The following ANKFN1 variants were observed in gnomAD, a reference collection of about 807,000 sequenced individuals.
ANKFN1 encodes the protein ankyrin repeat and fibronectin type-III domain-containing protein 1.
A neutral mutation model predicts 108.7 loss-of-function variants in ANKFN1; 74 were observed. The observed-to-expected ratio is 0.68, with a 90% CI of 0.56 to 0.83. The LOEUF is 0.83. Ranked by LOEUF, ANKFN1 falls within the 40% of genes least tolerant of loss-of-function variation. ANKFN1 has a pLI of 0.00. For synonymous variants in ANKFN1, 547 were observed against 516.2 expected, an observed-to-expected ratio of 1.06 and a Z score of -0.81; for missense variants, 1,505 against 1,382.3, an observed-to-expected ratio of 1.09 and a Z score of -1.41.
chr17:56,373,850 A>G (rs1027921281), intron 7 of ANKFN1, among the ~76,000 whole-genome samples: 26 of 152,234 alleles, frequency 1.7e-4, no homozygotes, highest in African/African-American at 5.5e-4. Flanking sequence ...CACTAGAAAC[A>G]GACATATTTT....
At chr17:56,133,388 A>G (rs908767351) in intron 4 of ANKFN1, among the ~76,000 whole-genome samples, 24 of 152,194 alleles carry the variant, frequency 1.6e-4, no homozygotes, top group African/African-American at 5.8e-4. Flanking sequence ...GACTTCAAAC[A>G]AAAGCAATAA....
At chr17:56,293,874 C>G (rs914739267) in intron 3 of ANKFN1, among the ~76,000 whole-genome samples, 4 of 152,146 alleles carry the variant, frequency 2.6e-5, no homozygotes, top group African/African-American at 9.7e-5. Context: ...CACCTCTGTC[C>G]CTTCTCCAGG....
rs554240769 is a variant in ANKFN1, at chr17:56,502,596, G to A, written c.2644+3498G>A. ...CCCTCACAAAAGCAGAAGCATTTCAGAGCAATGAAATCTGTCACTGCATTC... is the reference window on the plus strand; with the variant it reads ...CCCTCACAAAAGCAGAAGCATTTCAAAGCAATGAAATCTGTCACTGCATTC... On this transcript the variant is annotated intron_variant, in intron 20 of 20. Coordinates refer to ENST00000682825, the MANE Select transcript of ANKFN1 (RefSeq NM_001370326.1). 6.6e-5 allele frequency among the ~76,000 whole-genome samples: 10 copies of A among 152,304 alleles called. No individual in the cohort carries two copies. The South Asian group carries it at 2.1e-3, about 32-fold the overall frequency.
chr17:56,326,019 C>A (rs2045505979), intron 3 of ANKFN1, among the ~76,000 whole-genome samples: 1 of 152,218 alleles, frequency 6.6e-6, no homozygotes, highest in South Asian at 2.1e-4. Context: ...CCTTTCACTA[C>A]ACGCACACAA....
intron 8 of ANKFN1, among the ~76,000 whole-genome samples, chr17:56,385,675 C>T: frequency 6.6e-6 from 1 of 152,166 alleles, no homozygotes; most frequent in Non-Finnish European, 1.5e-5. Context: ...TGAACAGACA[C>T]TTCTCAAAAG....
intron 1 of ANKFN1, among the ~76,000 whole-genome samples, chr17:56,158,957 T>C (rs1468932417): frequency 1.3e-5 from 2 of 150,418 alleles, no homozygotes; most frequent in African/African-American, 2.4e-5. Context: ...TAGTCATTTG[T>C]GTTGCCCCAT....
At chr17:56,278,393 A>G (rs1398949370) in intron 3 of ANKFN1, among the ~76,000 whole-genome samples, 1 of 152,236 alleles carries the variant, frequency 6.6e-6, no homozygotes, top group Non-Finnish European at 1.5e-5. Flanking sequence ...TGTTTATTCC[A>G]TCATGATTTT....
intron 10 of ANKFN1, 74 bp downstream of exon 10, chr17:56,443,007 G>T: frequency 1.4e-6 from 2 of 1,471,298 alleles, no homozygotes. Flanking sequence ...GGGTGCCATT[G>T]CCATTCCCTT....
At chr17:56,365,956 C>T (rs1338091515) in intron 6 of ANKFN1, among the ~76,000 whole-genome samples, 1 of 152,112 alleles carries the variant, frequency 6.6e-6, no homozygotes, top group African/African-American at 2.4e-5. Context: ...TAACTGTAAA[C>T]CAGCCTCAGG....
intron 8 of ANKFN1, among the ~76,000 whole-genome samples, chr17:56,396,168 G>T (rs1298763856): frequency 3.9e-5 from 6 of 152,196 alleles, no homozygotes; most frequent in African/African-American, 1.4e-4. Flanking sequence ...GGGGCCACGG[G>T]CCAGGCACGG....
intron 10 of ANKFN1, among the ~76,000 whole-genome samples, chr17:56,444,925 A>G (rs1242665329): frequency 6.6e-6 from 1 of 152,158 alleles, no homozygotes; most frequent in Non-Finnish European, 1.5e-5. Context: ...GTGCCTGACT[A>G]CCATCTCTGG....
chr17:56,102,754 T>C (rs567226293), intron 4 of ANKFN1, among the ~76,000 whole-genome samples: 2 of 152,308 alleles, frequency 1.3e-5, no homozygotes, highest in South Asian at 4.1e-4. Context: ...AACATCATCA[T>C]TTTTATTAGA....
chr17:56,239,674 C>T (rs1917434705), intron 3 of ANKFN1, among the ~76,000 whole-genome samples: 1 of 152,098 alleles, frequency 6.6e-6, no homozygotes, highest in East Asian at 1.9e-4. Context: ...CAGCTACAGG[C>T]ATCAAGGATT....
intron 19 of ANKFN1, among the ~76,000 whole-genome samples, chr17:56,495,947 G>T (rs991477079): frequency 2.0e-5 from 3 of 152,084 alleles, no homozygotes; most frequent in African/African-American, 2.4e-5. Flanking sequence ...GGTGAGAAAT[G>T]GATGCATAAC....
At chr17:56,177,251 C>G (rs111654537) in intron 1 of ANKFN1, among the ~76,000 whole-genome samples, 2 of 152,338 alleles carry the variant, frequency 1.3e-5, no homozygotes, top group Non-Finnish European at 2.9e-5. Context: ...GCTACATGAT[C>G]TTGCCAAGCT....
At chr17:56,443,883 T>A (rs1175921075) in intron 10 of ANKFN1, among the ~76,000 whole-genome samples, 1 of 152,248 alleles carries the variant, frequency 6.6e-6, no homozygotes, top group Non-Finnish European at 1.5e-5. Context: ...ATGTGAGAGT[T>A]AAAAGTGATA....
chr17:56,151,553 A>G (rs555825358), upstream of ANKFN1, among the ~76,000 whole-genome samples: 5 of 152,238 alleles, frequency 3.3e-5, no homozygotes, highest in African/African-American at 1.2e-4. Flanking sequence ...ACGCCCTTAA[A>G]TGGGGCCTCT....
At chr17:56,254,407 T>G (rs2043309114) in intron 3 of ANKFN1, among the ~76,000 whole-genome samples, 1 of 152,244 alleles carries the variant, frequency 6.6e-6, no homozygotes, top group Non-Finnish European at 1.5e-5. Context: ...GTTGACATTG[T>G]CTGAGTGTAC....
Position 56,511,057 on chromosome 17 carries a change from A to C in ANKFN1, c.3229A>C (p.Asn1077His), listed in dbSNP as rs1285547470. 10 of 1,535,854 alleles carry C rather than the reference A, an allele frequency of 6.5e-6. No homozygotes were observed. Among genetic ancestry groups the C allele is most frequent in the Non-Finnish European group, 8.7e-6 (10 of 1,146,876 alleles). Residue 1077 changes from asparagine to histidine, a missense_variant, in exon 21 of 21, where the codon AAC becomes CAC. By Grantham distance (68) the Asn-to-His change is moderately conservative. Coordinates refer to ENST00000682825, the MANE Select transcript of ANKFN1 (RefSeq NM_001370326.1). ...AHAASLPEER[N>H]SSLQDARPSV... is the part of the protein sequence containing the mutation. ...CGCTGCCAGCCTTCCTGAGGAGCGG[A>C]ACAGCAGTCTCCAGGACGCGAGGCC... is the stretch of plus-strand genomic sequence containing the variant.
Sources: allele counts gnomAD v4.1 joint callset (sites outside exome capture counted in the v4.1 genomes callset), GRCh38; gene constraint gnomAD v4.1.1; transcripts MANE v1.5; gene names NCBI Gene and HGNC (gene_info 2026-07-23, HGNC 2026-07-21).